The following TFAP2A variants were observed in gnomAD, a reference collection of about 807,000 sequenced individuals.
TFAP2A encodes the protein transcription factor AP-2 alpha.
In TFAP2A, 7 loss-of-function variants were observed where a neutral mutation model predicts 41.5. The observed-to-expected ratio is 0.17, with a 90% confidence interval of 0.10 to 0.32. The LOEUF (loss-of-function observed/expected upper bound fraction) is 0.32. Among genes scored for constraint, TFAP2A ranks in the 10% least tolerant of loss-of-function variants. TFAP2A has a pLI of 1.00. For missense variants in TFAP2A, 416 were observed against 563.3 expected, an observed-to-expected ratio of 0.74 and a Z score of 2.65; for synonymous variants, 247 against 242.8, an observed-to-expected ratio of 1.02 and a Z score of -0.16.
upstream of TFAP2A, among the ~76,000 whole-genome samples, chr6:10,419,210 C>G (rs1758347709): frequency 6.6e-6 from 1 of 152,218 alleles, no homozygotes; most frequent in Non-Finnish European, 1.5e-5. Flanking sequence ...GGGCTGCGCG[C>G]TTTGCGCCCA....
chr6:10,410,002 A>G lies in TFAP2A; in HGVS notation c.385T>C (p.Tyr129His), dbSNP rs748618587. 1.9e-6 allele frequency: 3 copies of G among 1,610,380 alleles called. No individual in the cohort carries two copies. The highest frequency in any genetic ancestry group is 2.5e-6 in the Non-Finnish European group (3 of 1,178,554). Residue 129 changes from tyrosine (Y) to histidine (H), a missense_variant, in exon 2 of 7, where the codon TAC becomes CAC. Transcript: ENST00000379613. ...TGCAGGAGGTCCTCGTGCCGCCTGT[A>G]GTCCCTGCGAGGATCCAGGCCCGAC... ...QLSGLDPRRD[Y>H]RRHEDLLHGP...
At chr6:10,404,395 C>T (rs1048238160) in intron 4 of TFAP2A, 113 bp downstream of exon 4, 83 of 694,264 alleles carry the variant, frequency 1.2e-4, no homozygotes, top group Middle Eastern at 8.8e-4. Context: ...TCCTTTCCCG[C>T]GTAGGGAGGG....
Position 10,414,959 on chromosome 6 carries a change from G to A in TFAP2A, c.33C>T (p.Ile11=). 6.2e-7 allele frequency: 1 copy of A among 1,614,134 alleles called. No individual in the cohort carries two copies. Residue 11 remains isoleucine, a synonymous_variant, in exon 1 of 7, where the codon ATC becomes ATT. Transcript: ENST00000379613. ...CGCTTACCTCGCAGTCCTCGTACTT[G>A]ATATTATCCGTCAATTTCCAAAGCA... MKMLWKLTDN[I]KYEDCEDRHD... is the part of the protein sequence containing the mutation.
At position 10,402,540 on chromosome 6, in the gene TFAP2A, C is replaced by T. The variant is rs1248995629; in HGVS notation, c.841G>A (p.Gly281Arg). 6.2e-7 allele frequency: 1 copy of T among 1,614,186 alleles called. No homozygotes were observed. Among genetic ancestry groups the T allele is most frequent in the Non-Finnish European group, 8.5e-7 (1 of 1,180,028 alleles). The change falls in exon 5 of 7, where the codon GGG becomes AGG. Residue 281 changes from glycine to arginine, a missense_variant. Gly to Arg is a moderately radical substitution (Grantham distance 125, BLOSUM62 -2). Coordinates refer to ENST00000379613, the MANE Select transcript of TFAP2A (RefSeq NM_001372066.1). ...LDKIGLNLPAGRRKAANVTLL... is the reference protein window; with the variant it reads ...LDKIGLNLPARRRKAANVTLL... ...GTAACGTTGGCAGCTTTACGTCTCC[C>T]TGCAGGCAGATTTAATCCTATTTTG...
Position 10,398,281 on chromosome 6 carries a change from G to A in TFAP2A, c.*136C>T. 7.3e-6 allele frequency: 11 copies of A among 1,508,656 alleles called. No individual in the cohort carries two copies. Among genetic ancestry groups the A allele is most frequent in the African/African-American group, 1.4e-5 (1 of 72,564 alleles). The allele number at this position is 1,508,656 out of a possible 1,614,324, so 93.5% of individuals were successfully genotyped here. ...AGACTCGGGGGGACCCAAGGGCAGCGGCGGCGGCGGCGGCGGCAGCAGCAG... is the reference window on the plus strand; with the variant it reads ...AGACTCGGGGGGACCCAAGGGCAGCAGCGGCGGCGGCGGCGGCAGCAGCAG... On this transcript the variant is annotated 3_prime_UTR_variant, in exon 7 of 7. Coordinates refer to ENST00000379613, the MANE Select transcript of TFAP2A (RefSeq NM_001372066.1). The surrounding 1 kb of genome is among the most constrained non-coding windows in gnomAD (Gnocchi z 5.3).
upstream of TFAP2A, among the ~76,000 whole-genome samples, chr6:10,416,683 G>A (rs1002213966): frequency 7.2e-5 from 11 of 152,204 alleles, no homozygotes; most frequent in Non-Finnish European, 1.2e-4. Context: ...AAAAGGGGAT[G>A]GGAACTGTGG....
chr6:10,409,851 G>T, intron 2 of TFAP2A, 50 bp downstream of exon 2: 1 of 1,540,638 alleles, frequency 6.5e-7, no homozygotes, highest in Non-Finnish European at 8.8e-7. Context: ...TTCTGGGGTA[G>T]GTAAGTAGGG....
upstream of TFAP2A, chr6:10,419,442 T>A (rs772884092): frequency 6.2e-7 from 1 of 1,613,928 alleles, no homozygotes; most frequent in South Asian, 1.1e-5. Flanking sequence ...TTTTGGCAAG[T>A]ATGGACATCG....
chr6:10,415,166 A>AGAGGAGGGCGAGGAGGAG, upstream of TFAP2A: 6 of 1,506,442 alleles, frequency 4.0e-6, no homozygotes, highest in South Asian at 2.5e-5. Context: ...AGGAGGAGGA[A>AGAGGAGGGCGAGGAGGAG]GAGGAGGGCG....
Position 10,404,644 on chromosome 6 carries a change from C to T in TFAP2A, c.634G>A (p.Val212Ile), listed in dbSNP as rs749528750. 1 of 1,614,200 alleles carries T rather than the reference C, an allele frequency of 6.2e-7. No individual in the cohort carries two copies. Among genetic ancestry groups the T allele is most frequent in the Admixed American group, 1.7e-5 (1 of 60,032 alleles). ...AGGCGACCCGGAACTGAACAGAAGA[C>T]TTCGTTGGGGTTCACCACGCCGCCG... ...LFGGVVNPNE[V>I]FCSVPGRLSL... is the part of the protein sequence containing the mutation. Residue 212 changes from valine (V) to isoleucine (I), a missense_variant, in exon 4 of 7, where the codon GTC (valine) becomes ATC (isoleucine). Physicochemically the swap from Val to Ile is conservative, Grantham distance 29. Transcript: ENST00000379613.
rs1264691695 is a variant in TFAP2A at position 10,398,296 on chromosome 6, G to GGCA, written c.*118_*120dup. 95 of 1,577,054 alleles carry GGCA rather than the reference G, an allele frequency of 6.0e-5. No homozygotes were observed. The highest frequency in any genetic ancestry group is 3.3e-4 in the South Asian group (29 of 88,288). On this transcript the variant is annotated 3_prime_UTR_variant, in exon 7 of 7. Coordinates refer to ENST00000379613, the MANE Select transcript of TFAP2A (RefSeq NM_001372066.1). This position sits in a 1 kb window ranked among gnomAD's most constrained non-coding sequence, Gnocchi z 5.3. Reference sequence around the variant, plus strand: ...CAAGGGCAGCGGCGGCGGCGGCGGCGGCAGCAGCAGCAGCAGTAGCAGCAG... The same window carrying GGCA: ...CAAGGGCAGCGGCGGCGGCGGCGGCGGCAGCAGCAGCAGCAGCAGTAGCAGCAG...
At chr6:10,414,820 G>A in intron 1 of TFAP2A, 121 bp downstream of exon 1, 2 of 1,349,236 alleles carry the variant, frequency 1.5e-6, no homozygotes. Context: ...GACGGGCGCT[G>A]CGCTGGGGAA....
At chr6:10,411,839 G>A in intron 1 of TFAP2A, 3 of 1,409,230 alleles carry the variant, frequency 2.1e-6, no homozygotes, top group East Asian at 2.7e-5. Context: ...CTATCCTGCC[G>A]CGACTGGTTA....
chr6:10,410,366 C>CAAGG, intron 1 of TFAP2A, 31 bp from the exon 2 acceptor site: 1 of 1,584,648 alleles, frequency 6.3e-7, no homozygotes, highest in East Asian at 2.3e-5. Context: ...AGGTAAAGAA[C>CAAGG]AAGGAATCAG....
At chr6:10,402,149 C>T (rs955681602) in intron 5 of TFAP2A, 9 of 379,068 alleles carry the variant, frequency 2.4e-5, no homozygotes, top group Middle Eastern at 3.7e-4. Flanking sequence ...ACGCATTTCT[C>T]AAACGCAGAT....
At chr6:10,416,935 A>G (rs551419997), upstream of TFAP2A, 26 of 152,706 alleles carry the variant, frequency 1.7e-4, no homozygotes, top group Admixed American at 4.6e-4. Flanking sequence ...ACTGAGCACA[A>G]TTCCTCGGCT....
At chr6:10,412,786 C>T in intron 1 of TFAP2A, 1 of 211,326 alleles carries the variant, frequency 4.7e-6, no homozygotes, top group South Asian at 4.8e-5. Context: ...CTCCATGACC[C>T]GGCGCCCTGC....
At chr6:10,409,834 G>A in intron 2 of TFAP2A, 67 bp downstream of exon 2, 1 of 1,519,012 alleles carries the variant, frequency 6.6e-7, no homozygotes, top group Non-Finnish European at 8.9e-7. Flanking sequence ...TATGTTCCAG[G>A]TATCCTTTCT....
At chr6:10,419,215 C>A (rs981138143), upstream of TFAP2A, among the ~76,000 whole-genome samples, 6 of 152,200 alleles carry the variant, frequency 3.9e-5, no homozygotes, top group African/African-American at 1.2e-4. Flanking sequence ...GCGCGCTTTG[C>A]GCCCAGCACC....
Sources: allele counts gnomAD v4.1 joint callset (sites outside exome capture counted in the v4.1 genomes callset), GRCh38; gene constraint gnomAD v4.1.1; non-coding constraint Gnocchi (gnomAD v3.1); transcripts MANE v1.5; gene names NCBI Gene and HGNC (gene_info 2026-07-23, HGNC 2026-07-21).